The following TCF4 variants were observed in gnomAD, a reference collection of about 807,000 sequenced individuals.
The protein encoded by TCF4 is SL3-3 enhancer factor 2.
In TCF4, 3 loss-of-function variants were observed where a neutral mutation model predicts 82.1. The ratio of observed to expected loss-of-function variants is 0.04; its 90% CI spans 0.02 to 0.09. TCF4 has a LOEUF of 0.09. Ranked by LOEUF, TCF4 falls within the 10% of genes least tolerant of loss-of-function variation. The probability of loss-of-function intolerance (pLI) is 1.00; values close to 1 mark genes in which losing one functional copy is unlikely to be tolerated. For missense variants in TCF4, 518 were observed against 852.7 expected (o/e 0.61, Z 4.89); for synonymous variants, 276 against 309.6 (o/e 0.89, Z 1.14).
chr18:55,326,285 G>A (rs2076536453), intron 8 of TCF4, among the ~76,000 whole-genome samples: 1 of 151,684 alleles, frequency 6.6e-6, no homozygotes, highest in African/African-American at 2.4e-5. Flanking sequence ...TTCTTTTGAG[G>A]CTTAAATGAG....
intron 3 of TCF4, among the ~76,000 whole-genome samples, chr18:55,513,890 A>G (rs1350720393): frequency 6.6e-6 from 1 of 152,208 alleles, no homozygotes; most frequent in Non-Finnish European, 1.5e-5. Flanking sequence ...GAGGCCAGAC[A>G]GCCAGCATAT....
chr18:55,349,894 C>A (rs977614295), intron 8 of TCF4, among the ~76,000 whole-genome samples: 1 of 152,170 alleles, frequency 6.6e-6, no homozygotes, highest in Non-Finnish European at 1.5e-5. Flanking sequence ...ACCTTTGCAG[C>A]CTTTATTCAG....
intron 3 of TCF4, among the ~76,000 whole-genome samples, chr18:55,470,946 T>C (rs922316648): frequency 7.9e-5 from 12 of 152,138 alleles, no homozygotes; most frequent in Admixed American, 7.2e-4. Flanking sequence ...TTAAATATCC[T>C]CTACACCATT....
At chr18:55,536,584 T>C (rs2097116684) in intron 3 of TCF4, among the ~76,000 whole-genome samples, 1 of 152,190 alleles carries the variant, frequency 6.6e-6, no homozygotes, top group Non-Finnish European at 1.5e-5. Context: ...TGTATAGTTA[T>C]TAGAATGTTG....
intron 3 of TCF4, among the ~76,000 whole-genome samples, chr18:55,509,961 G>A (rs973301648): frequency 6.6e-6 from 1 of 152,130 alleles, no homozygotes; most frequent in African/African-American, 2.4e-5. Flanking sequence ...AAATGCCTGG[G>A]AAAATGATCT....
intron 3 of TCF4, among the ~76,000 whole-genome samples, chr18:55,467,109 T>C (rs2096044702): frequency 6.6e-6 from 1 of 152,170 alleles, no homozygotes; most frequent in African/African-American, 2.4e-5. Context: ...AGAATAATCA[T>C]ATGAATTCTA....
At chr18:55,265,000 G>C (rs773778475) in intron 11 of TCF4, 1 of 152,194 alleles carries the variant, frequency 6.6e-6, no homozygotes, top group Non-Finnish European at 1.5e-5. Context: ...GAAGCAGAAA[G>C]AAAGGTTTTG....
At chr18:55,408,336 GT>G (rs1569412899) in intron 5 of TCF4, among the ~76,000 whole-genome samples, 1 of 152,060 alleles carries the variant, frequency 6.6e-6, no homozygotes, top group Non-Finnish European at 1.5e-5. Flanking sequence ...TGAGCCTTTT[GT>G]TCCCTGGCAT....
intron 6 of TCF4, among the ~76,000 whole-genome samples, chr18:55,377,500 C>G (rs1163513990): frequency 6.6e-6 from 1 of 152,178 alleles, no homozygotes; most frequent in Non-Finnish European, 1.5e-5. Flanking sequence ...GACTCAAGCA[C>G]AAGTGGGAAG....
chr18:55,249,576 G>A (rs966839119), intron 15 of TCF4, among the ~76,000 whole-genome samples: 3 of 152,168 alleles, frequency 2.0e-5, no homozygotes, highest in Non-Finnish European at 2.9e-5. Context: ...TCTTTTAGAG[G>A]GCATAGCAGA....
intron 8 of TCF4, chr18:55,322,324 T>C: frequency 9.9e-7 from 1 of 1,015,114 alleles, no homozygotes; most frequent in Non-Finnish European, 1.2e-6. Context: ...GATGCACATC[T>C]AATAACTCTG....
intron 15 of TCF4, among the ~76,000 whole-genome samples, chr18:55,247,863 C>T (rs1454496886): frequency 6.6e-6 from 1 of 152,120 alleles, no homozygotes; most frequent in East Asian, 1.9e-4. Flanking sequence ...TGGGCAGAAA[C>T]ATAAGGACTG....
chr18:55,460,419 C>G (rs946155107), intron 5 of TCF4, among the ~76,000 whole-genome samples: 1 of 151,966 alleles, frequency 6.6e-6, no homozygotes, highest in Non-Finnish European at 1.5e-5. Context: ...AATGGCATGC[C>G]GGAGATTCAC....
intron 8 of TCF4, among the ~76,000 whole-genome samples, chr18:55,341,961 G>C (rs187166278): frequency 6.6e-6 from 1 of 152,144 alleles, no homozygotes. Flanking sequence ...CAGTTGAAAA[G>C]CTCCACGATT....
chr18:55,595,899 G>C (rs2097690381), intron 2 of TCF4, among the ~76,000 whole-genome samples: 1 of 152,124 alleles, frequency 6.6e-6, no homozygotes, highest in Admixed American at 6.5e-5. Flanking sequence ...CTGTACGTCG[G>C]TGGTCTCGTT....
upstream of TCF4, chr18:55,589,958 G>T (rs2097681360): frequency 2.1e-6 from 1 of 472,846 alleles, no homozygotes; most frequent in East Asian, 1.4e-4. Context: ...GGGAGCGGAG[G>T]CGGGTGGCTG....
rs1028036084 is a variant in TCF4 at position 55,439,000 on chromosome 18, A to G, written c.304+22019T>C. Among the ~76,000 whole-genome samples the G allele has an allele frequency of 3.9e-5, 6 of 152,114 alleles. No individual in the cohort carries two copies. In the South Asian group the frequency reaches 1.0e-3, roughly 26 times the overall value. ...AAATTGACAGAGGCCAAGAGAAGGGAGTGGGTGGTTCAAATAGAGATGGGA... is the reference window on the plus strand; with the variant it reads ...AAATTGACAGAGGCCAAGAGAAGGGGGTGGGTGGTTCAAATAGAGATGGGA... On this transcript the variant is annotated intron_variant, in intron 5 of 19. Transcript: ENST00000354452.
intron 5 of TCF4, among the ~76,000 whole-genome samples, chr18:55,418,488 A>G (rs571316745): frequency 2.5e-4 from 38 of 152,204 alleles, no homozygotes; most frequent in Admixed American, 6.5e-5. Flanking sequence ...TGCATCCTGT[A>G]TTAACAATCA....
chr18:55,275,867 G>T, intron 9 of TCF4, 115 bp from the exon 10 acceptor site: 2 of 1,341,462 alleles, frequency 1.5e-6, no homozygotes, highest in Non-Finnish European at 2.1e-6. Flanking sequence ...TCTTTGTGTT[G>T]GTTAGCTGAT....
Sources: gnomAD v4.1 joint callset for allele counts (sites outside exome capture counted in the v4.1 genomes callset) on GRCh38, gnomAD v4.1.1 for gene constraint, MANE v1.5 for transcripts, NCBI Gene and HGNC (gene_info 2026-07-23, HGNC 2026-07-21) for gene names.